GLI2: variants seen among roughly 807,000 people sequenced by gnomAD.
GLI2 encodes GLI family zinc finger 2.
In GLI2, 22 loss-of-function variants were observed where a neutral mutation model predicts 78.9. The observed-to-expected ratio is 0.28, with a 90% CI of 0.20 to 0.40. GLI2 has a LOEUF of 0.40. Among genes scored for constraint, GLI2 ranks in the 10% least tolerant of loss-of-function variants. GLI2 has a pLI of 1.00. For missense variants in GLI2, 2,097 were observed against 2,213.2 expected (o/e 0.95, Z 1.05); for synonymous variants, 974 against 963.7 (o/e 1.01, Z -0.20).
chr2:120,923,343 G>T (rs571769204), intron 2 of GLI2, among the ~76,000 whole-genome samples: 1 of 70,172 alleles, frequency 1.4e-5, no homozygotes, highest in East Asian at 5.4e-4. Flanking sequence ...CATAAACACG[G>T]CAGCAGACAC....
chr2:120,929,551 C>G (rs369574574), intron 3 of GLI2, among the ~76,000 whole-genome samples: 66 of 152,276 alleles, frequency 4.3e-4, no homozygotes, highest in African/African-American at 1.5e-3. Context: ...ATTTGGTTGT[C>G]TATTGTTATG....
At chr2:120,767,630 C>T (rs1266236040) in intron 1 of GLI2, among the ~76,000 whole-genome samples, 2 of 152,260 alleles carry the variant, frequency 1.3e-5, no homozygotes, top group African/African-American at 4.8e-5. Flanking sequence ...CATCTTCCCA[C>T]CGTCTGCCTG....
intron 8 of GLI2, among the ~76,000 whole-genome samples, chr2:120,972,959 C>T (rs1247776596): frequency 6.6e-6 from 1 of 152,106 alleles, no homozygotes; most frequent in African/African-American, 2.4e-5. Flanking sequence ...GGTAAGTAAG[C>T]CCCTGGTCCC....
intron 5 of GLI2, among the ~76,000 whole-genome samples, chr2:120,956,098 T>A (rs1256271076): frequency 1.3e-5 from 2 of 152,014 alleles, no homozygotes; most frequent in Non-Finnish European, 2.9e-5. Flanking sequence ...TCCGTGCTGA[T>A]GTGAGAATTG....
At chr2:120,794,889 C>T (rs974937490) in intron 1 of GLI2, among the ~76,000 whole-genome samples, 2 of 152,132 alleles carry the variant, frequency 1.3e-5, no homozygotes, top group Non-Finnish European at 2.9e-5. Flanking sequence ...CCCCCATCTG[C>T]CTGACTTTCT....
chr2:120,800,774 G>A lies in GLI2; in HGVS notation c.148+3306G>A, dbSNP rs1447999474. Among the ~76,000 whole-genome samples, 2 of 152,110 alleles carry A rather than the reference G, an allele frequency of 1.3e-5. No individual in the cohort carries two copies. Among genetic ancestry groups the A allele is most frequent in the South Asian group, 2.1e-4 (1 of 4,826 alleles). ...GCCCGCCTCAGCCTCCCAAAGTGCC[G>A]GGATTACAGGTGTGAGCCACCGCAC... On this transcript the variant is annotated intron_variant, in intron 2 of 13. Coordinates refer to ENST00000361492, the MANE Select transcript of GLI2 (RefSeq NM_001374353.1). The surrounding 1 kb of genome is among the most constrained non-coding windows in gnomAD (Gnocchi z 4.1).
chr2:120,828,943 GCT>G (rs1686219615), intron 2 of GLI2, among the ~76,000 whole-genome samples: 1 of 150,490 alleles, frequency 6.6e-6, no homozygotes, highest in South Asian at 2.1e-4. Flanking sequence ...CCACGCTGAA[GCT>G]AGGCCCAGGG....
intron 2 of GLI2, among the ~76,000 whole-genome samples, chr2:120,817,502 C>T (rs1477569491): frequency 6.6e-6 from 1 of 152,214 alleles, no homozygotes; most frequent in Non-Finnish European, 1.5e-5. Flanking sequence ...ACAGTCTCAT[C>T]ACCGCTCCGC....
At chr2:120,842,510 T>G (rs1238693800) in intron 2 of GLI2, among the ~76,000 whole-genome samples, 3 of 152,228 alleles carry the variant, frequency 2.0e-5, no homozygotes, top group Non-Finnish European at 4.4e-5. Context: ...ATTTCCAATC[T>G]TCCGCTATTT....
At chr2:120,871,972 G>A (rs138217360) in intron 2 of GLI2, among the ~76,000 whole-genome samples, 3 of 152,294 alleles carry the variant, frequency 2.0e-5, no homozygotes, top group African/African-American at 4.8e-5. Flanking sequence ...AGGGACCCCC[G>A]GGGTCTGGGC....
At chr2:120,853,753 A>AG (rs1382290290) in intron 2 of GLI2, among the ~76,000 whole-genome samples, 1 of 152,180 alleles carries the variant, frequency 6.6e-6, no homozygotes, top group East Asian at 1.9e-4. Context: ...CGCAGGCCCC[A>AG]GGGGTCAGGT....
Position 120,873,814 on chromosome 2 carries a change from A to G in GLI2, c.149-53547A>G, listed in dbSNP as rs111486192. Reference sequence around the variant, plus strand: ...CTGAGCTCTCCTCTCTATCATTGTGAAATGGACCGACATAAAATCTCTCTT... The same window carrying G: ...CTGAGCTCTCCTCTCTATCATTGTGGAATGGACCGACATAAAATCTCTCTT... On this transcript the variant is annotated intron_variant, in intron 2 of 13. Coordinates refer to ENST00000361492, the MANE Select transcript of GLI2 (RefSeq NM_001374353.1). 4.6e-3 allele frequency among the ~76,000 whole-genome samples: 700 copies of G among 152,312 alleles called. 3 individuals are homozygous for G. The highest frequency in any genetic ancestry group is 5.9e-3 in the Non-Finnish European group (403 of 68,022).
intron 2 of GLI2, among the ~76,000 whole-genome samples, chr2:120,826,939 C>T (rs564809814): frequency 1.3e-5 from 2 of 152,314 alleles, no homozygotes; most frequent in Non-Finnish European, 2.9e-5. Context: ...CTCCCCACAC[C>T]CCAGCCACGC....
chr2:120,957,530 C>T (rs1433100682), intron 5 of GLI2, among the ~76,000 whole-genome samples: 1 of 152,238 alleles, frequency 6.6e-6, no homozygotes, highest in African/African-American at 2.4e-5. Context: ...TTGCCACACC[C>T]GAATGTCAGC....
At chr2:120,780,738 G>C (rs979787694) in intron 1 of GLI2, among the ~76,000 whole-genome samples, 5 of 152,216 alleles carry the variant, frequency 3.3e-5, no homozygotes, top group Non-Finnish European at 5.9e-5. Context: ...GCCAGTCCTG[G>C]GTCGTTTCCA....
chr2:120,753,457 A>AT (rs1682939823), intron 1 of GLI2, among the ~76,000 whole-genome samples: 1 of 151,966 alleles, frequency 6.6e-6, no homozygotes, highest in South Asian at 2.1e-4. Flanking sequence ...TTCAATTTTC[A>AT]TTTTTTAGCA....
intron 10 of GLI2, among the ~76,000 whole-genome samples, chr2:120,979,022 CAG>C (rs1682594599): frequency 6.6e-6 from 1 of 152,164 alleles, no homozygotes; most frequent in South Asian, 2.1e-4. Context: ...TTTTTTGAGA[CAG>C]AGTCTCACTT....
intron 1 of GLI2, among the ~76,000 whole-genome samples, chr2:120,760,117 C>T (rs1683169461): frequency 6.6e-6 from 1 of 152,192 alleles, no homozygotes; most frequent in South Asian, 2.1e-4. Flanking sequence ...GGTAAACCTC[C>T]CAGGGGCAGG....
At chr2:120,793,851 G>A (rs998523694) in intron 1 of GLI2, among the ~76,000 whole-genome samples, 44 of 152,222 alleles carry the variant, frequency 2.9e-4, no homozygotes, top group Admixed American at 2.7e-3. Flanking sequence ...TTTGGCTGGA[G>A]GATCTGACTG....
Sources: allele counts gnomAD v4.1 joint callset (sites outside exome capture counted in the v4.1 genomes callset), GRCh38; gene constraint gnomAD v4.1.1; non-coding constraint Gnocchi (gnomAD v3.1); transcripts MANE v1.5; gene names NCBI Gene and HGNC (gene_info 2026-07-23, HGNC 2026-07-21).